MAGI1: variants seen among roughly 807,000 people sequenced by gnomAD.
MAGI1 encodes the protein membrane associated guanylate kinase, WW and PDZ domain containing 1.
MAGI1 carries 58 observed loss-of-function variants against 139.9 expected under a neutral mutation model. The ratio of observed to expected loss-of-function variants is 0.41; its 90% CI spans 0.34 to 0.52. The LOEUF is 0.52. MAGI1 is among the 20% of genes least tolerant of loss of function. The pLI, the probability that MAGI1 is intolerant of heterozygous loss-of-function variation, is 0.12. For synonymous variants in MAGI1, 812 were observed against 737.9 expected (o/e 1.10, Z -1.63); for missense variants, 1,874 against 1,901.6 (o/e 0.99, Z 0.27).
chr3:65,922,191 A>C (rs943458457), intron 1 of MAGI1, among the ~76,000 whole-genome samples: 2 of 152,136 alleles, frequency 1.3e-5, no homozygotes, highest in African/African-American at 4.8e-5. Flanking sequence ...ACACACAAAA[A>C]TACAGCAGAG....
chr3:65,830,436 T>C (rs1454425388), intron 1 of MAGI1, among the ~76,000 whole-genome samples: 1 of 152,062 alleles, frequency 6.6e-6, no homozygotes, highest in Non-Finnish European at 1.5e-5. Flanking sequence ...AACCAACCAA[T>C]GATTGGTTCA....
At chr3:66,032,620 C>A (rs182593636) in intron 1 of MAGI1, among the ~76,000 whole-genome samples, 163 of 151,586 alleles carry the variant, frequency 1.1e-3, no homozygotes, top group African/African-American at 3.6e-3. Context: ...GGGAAACAGA[C>A]AATAAAGAAG....
At chr3:65,814,983 T>C (rs2041508060) in intron 1 of MAGI1, among the ~76,000 whole-genome samples, 1 of 152,196 alleles carries the variant, frequency 6.6e-6, no homozygotes, top group Non-Finnish European at 1.5e-5. Context: ...CATTTTAGTT[T>C]TGATTTGGGA....
chr3:65,420,388 C>T (rs900601028), intron 12 of MAGI1, among the ~76,000 whole-genome samples: 4 of 152,152 alleles, frequency 2.6e-5, no homozygotes, highest in Non-Finnish European at 4.4e-5. Flanking sequence ...AGAGCCCCCT[C>T]ACTGCCAGGC....
At chr3:66,019,677 A>G (rs1260650260) in intron 1 of MAGI1, among the ~76,000 whole-genome samples, 1 of 152,198 alleles carries the variant, frequency 6.6e-6, no homozygotes, top group Non-Finnish European at 1.5e-5. Flanking sequence ...GTAACAAATG[A>G]TCAATAAATG....
chr3:65,931,541 T>C (rs1301103048), intron 1 of MAGI1, among the ~76,000 whole-genome samples: 2 of 152,164 alleles, frequency 1.3e-5, no homozygotes, highest in African/African-American at 4.8e-5. Context: ...TGGCAGACAC[T>C]GTAGTCCCTG....
At chr3:65,742,661 G>A (rs976723223) in intron 1 of MAGI1, among the ~76,000 whole-genome samples, 3 of 152,144 alleles carry the variant, frequency 2.0e-5, no homozygotes, top group African/African-American at 4.8e-5. Flanking sequence ...TATTCAAGAC[G>A]CCACCTACAA....
intron 1 of MAGI1, among the ~76,000 whole-genome samples, chr3:65,893,608 A>G (rs264669): frequency 0.092 from 14,074 of 152,224 alleles, 1,821 homozygotes; most frequent in African/African-American, 0.29. Flanking sequence ...ACACAAAGAA[A>G]TTACAAATTT....
chr3:65,796,002 G>T (rs1309569271), intron 1 of MAGI1, among the ~76,000 whole-genome samples: 1 of 144,586 alleles, frequency 6.9e-6, no homozygotes, highest in South Asian at 2.2e-4. Flanking sequence ...AGTGAGCAGA[G>T]ATCGTGCCAC....
intron 1 of MAGI1, among the ~76,000 whole-genome samples, chr3:65,891,929 TATATATATATATAC>T (rs1313908205): frequency 1.7e-4 from 18 of 105,710 alleles, no homozygotes; most frequent in African/African-American, 5.7e-4. Context: ...TATATATATA[TATATATATATATAC>T]CCGTGTTGCT....
At chr3:65,422,610 C>G (rs1032644173) in intron 12 of MAGI1, among the ~76,000 whole-genome samples, 5 of 152,100 alleles carry the variant, frequency 3.3e-5, no homozygotes, top group Admixed American at 3.3e-4. Context: ...TTTTAGGCAG[C>G]AGGGATAAAG....
intron 1 of MAGI1, among the ~76,000 whole-genome samples, chr3:65,933,639 T>G (rs2062907385): frequency 6.6e-6 from 1 of 151,958 alleles, no homozygotes; most frequent in Non-Finnish European, 1.5e-5. Context: ...GAGGTGAAAA[T>G]TATTGGGAGG....
chr3:65,601,661 A>C (rs2106842482), intron 2 of MAGI1, among the ~76,000 whole-genome samples: 1 of 152,280 alleles, frequency 6.6e-6, no homozygotes, highest in South Asian at 2.1e-4. Context: ...AAAATTATAA[A>C]ACTCTTTTAA....
At chr3:65,886,228 T>C (rs1182062184) in intron 1 of MAGI1, among the ~76,000 whole-genome samples, 1 of 152,194 alleles carries the variant, frequency 6.6e-6, no homozygotes, top group Non-Finnish European at 1.5e-5. Context: ...AGAAAGTTCA[T>C]ATGTAAATGT....
intron 1 of MAGI1, among the ~76,000 whole-genome samples, chr3:66,015,135 G>A (rs897445378): frequency 2.1e-5 from 3 of 144,510 alleles, no homozygotes; most frequent in East Asian, 4.1e-4. Context: ...TTGAGCCCAG[G>A]AGTTCAAGAC....
intron 22 of MAGI1, chr3:65,360,314 TG>T: frequency 2.0e-6 from 2 of 983,896 alleles, no homozygotes; most frequent in South Asian, 9.4e-5. Context: ...GACCTTTGGT[TG>T]GGAAAAAAAG....
chr3:65,442,416 C>G (rs9831437), intron 8 of MAGI1, among the ~76,000 whole-genome samples: 1 of 152,068 alleles, frequency 6.6e-6, no homozygotes, highest in Non-Finnish European at 1.5e-5. Context: ...AAAAAGTAGA[C>G]GAATCAGATA....
chr3:65,971,930 C>G (rs1319745418), intron 1 of MAGI1, among the ~76,000 whole-genome samples: 1 of 152,128 alleles, frequency 6.6e-6, no homozygotes. Context: ...ATAATCATGT[C>G]GTACCTCAGC....
chr3:65,864,503 C>T (rs9810414), intron 1 of MAGI1, among the ~76,000 whole-genome samples: 69,208 of 152,180 alleles, frequency 0.45, 17,674 homozygotes, highest in African/African-American at 0.69. Flanking sequence ...GTCAAGGCCA[C>T]CCGTCAGCGA....
Sources: allele counts gnomAD v4.1 joint callset (sites outside exome capture counted in the v4.1 genomes callset), GRCh38; gene constraint gnomAD v4.1.1; transcripts MANE v1.5; gene names NCBI Gene and HGNC (gene_info 2026-07-23, HGNC 2026-07-21).